The following TCERG1L variants were observed in gnomAD, a reference collection of about 807,000 sequenced individuals.
The protein encoded by TCERG1L is transcription elongation regulator 1-like protein.
A neutral mutation model predicts 56.3 loss-of-function variants in TCERG1L; 37 were observed. The observed-to-expected ratio is 0.66, with a 90% CI of 0.51 to 0.87. The LOEUF (loss-of-function observed/expected upper bound fraction) is 0.87. TCERG1L is among the 40% of genes least tolerant of loss of function. TCERG1L has a pLI of 0.00. For missense variants in TCERG1L, 799 were observed against 774.2 expected (o/e 1.03, Z -0.38); for synonymous variants, 324 against 326.3 (o/e 0.99, Z 0.08).
chr10:131,260,313 G>T lies in TCERG1L; in HGVS notation c.802C>A (p.His268Asn). 1.4e-6 allele frequency: 2 copies of T among 1,449,820 alleles called. No homozygotes were observed. The highest frequency in any genetic ancestry group is 3.1e-5 in the South Asian group (2 of 63,724). The allele number at this position is 1,449,820 out of a possible 1,614,324, so 89.8% of individuals were successfully genotyped here. The change falls in exon 4 of 12, where the codon CAC becomes AAC. Residue 268 changes from histidine to asparagine, a missense_variant. Coordinates refer to ENST00000368642, the MANE Select transcript of TCERG1L (RefSeq NM_174937.4). The surrounding 1 kb of genome is among the most constrained non-coding windows in gnomAD (Gnocchi z 5.8). Reference protein sequence around the residue: ...GPSPSSVQPRHFLTLAPIKIP... With the variant: ...GPSPSSVQPRNFLTLAPIKIP... ...TTGATGGGTGCCAAGGTCAGGAAGT[G>T]GCGCGGCTGCACGCTGGAGGGGGAC...
intron 3 of TCERG1L, among the ~76,000 whole-genome samples, chr10:131,270,212 T>G (rs1258236653): frequency 6.6e-6 from 1 of 152,174 alleles, no homozygotes; most frequent in Non-Finnish European, 1.5e-5. Context: ...GAAGAGTGCC[T>G]TTGGGTAGGA....
chr10:131,290,430 G>A (rs530357039), intron 3 of TCERG1L, among the ~76,000 whole-genome samples: 6 of 152,176 alleles, frequency 3.9e-5, no homozygotes, highest in Admixed American at 2.0e-4. Context: ...CTGGGAATTC[G>A]AGACCAGCCT....
intron 4 of TCERG1L, among the ~76,000 whole-genome samples, chr10:131,185,267 A>C (rs1345028517): frequency 6.6e-6 from 1 of 152,242 alleles, no homozygotes; most frequent in Non-Finnish European, 1.5e-5. Context: ...TAAATGTCCC[A>C]AAACACAGAA....
chr10:131,186,397 A>C (rs2944460), intron 4 of TCERG1L, among the ~76,000 whole-genome samples: 92,218 of 152,044 alleles, frequency 0.61, 31,760 homozygotes, highest in South Asian at 0.85. Flanking sequence ...AAAGGTAATA[A>C]AAATAGACAT....
At chr10:131,270,978 C>A (rs1028949075) in intron 3 of TCERG1L, among the ~76,000 whole-genome samples, 20 of 152,176 alleles carry the variant, frequency 1.3e-4, no homozygotes, top group Admixed American at 1.3e-4. Flanking sequence ...CAGAGACTCT[C>A]CTGGGCCTCA....
At chr10:131,128,035 T>C (rs1845580299) in intron 8 of TCERG1L, among the ~76,000 whole-genome samples, 1 of 152,130 alleles carries the variant, frequency 6.6e-6, no homozygotes, top group South Asian at 2.1e-4. Flanking sequence ...AAATAGATGT[T>C]ATAAAATATC....
At chr10:131,160,439 C>CGTGG (rs1845965063) in intron 6 of TCERG1L, among the ~76,000 whole-genome samples, 1 of 151,702 alleles carries the variant, frequency 6.6e-6, no homozygotes, top group African/African-American at 2.4e-5. Flanking sequence ...ACCTGAAGCC[C>CGTGG]CTGGCCCTAC....
chr10:131,164,343 A>G (rs568872173), intron 5 of TCERG1L, among the ~76,000 whole-genome samples: 3 of 152,260 alleles, frequency 2.0e-5, no homozygotes, highest in African/African-American at 7.2e-5. Context: ...AGAGGCCCAC[A>G]ATTCAGATGA....
intron 3 of TCERG1L, among the ~76,000 whole-genome samples, chr10:131,278,587 C>T (rs75945755): frequency 6.6e-6 from 1 of 152,246 alleles, no homozygotes; most frequent in African/African-American, 2.4e-5. Flanking sequence ...AGGTGATCCA[C>T]CCGCCTCGGC....
chr10:131,296,792 C>G (rs1846695489), intron 3 of TCERG1L, among the ~76,000 whole-genome samples: 4 of 152,208 alleles, frequency 2.6e-5, no homozygotes, highest in Admixed American at 2.6e-4. Flanking sequence ...ATTAATGTTT[C>G]ATGATTTTCA....
Position 131,141,418 on chromosome 10 carries a change from G to A in TCERG1L, c.1189+5088C>T, listed in dbSNP as rs1035916539. The stretch of plus-strand genomic sequence containing the variant: ...AGGGAGAAGCCCCTGGCTGCTGCGC[G>A]GGGTCACCCCACTCCACCCATCCAT... On this transcript the variant is annotated intron_variant, in intron 7 of 11. Transcript: ENST00000368642. Among the ~76,000 whole-genome samples, 70 of 151,436 alleles carry A rather than the reference G, an allele frequency of 4.6e-4. 1 individual carries two copies. Among genetic ancestry groups the A allele is most frequent in the East Asian group, 1.6e-3 (8 of 5,064 alleles).
chr10:131,116,769 G>A (rs1845463115), intron 9 of TCERG1L, 30 bp downstream of exon 9: 1 of 1,546,372 alleles, frequency 6.5e-7, no homozygotes, highest in African/African-American at 1.4e-5. Flanking sequence ...TCTGCCGTAG[G>A]AGTGCAGCCC....
intron 4 of TCERG1L, among the ~76,000 whole-genome samples, chr10:131,250,014 G>A (rs563680002): frequency 6.6e-6 from 1 of 152,336 alleles, no homozygotes; most frequent in South Asian, 2.1e-4. Context: ...GTTCGGGGCA[G>A]CCAGGGACAC....
chr10:131,311,234 G>GGC lies in TCERG1L; in HGVS notation c.342+58_342+59dup. On this transcript the variant is annotated intron_variant, in intron 1 of 11. Coordinates refer to ENST00000368642, the MANE Select transcript of TCERG1L (RefSeq NM_174937.4). The surrounding 1 kb of genome is among the most constrained non-coding windows in gnomAD (Gnocchi z 4.0). ...CGGAGGCCAGAGCCGGGCCGGGCAG[G>GGC]GCGCGCCCAGGAGCAGGGGAGACGG... is the stretch of plus-strand genomic sequence containing the variant. The GGC allele has an allele frequency of 8.5e-7, 1 of 1,175,190 alleles. No homozygotes were observed. Among genetic ancestry groups the GGC allele is most frequent in the East Asian group, 3.6e-5 (1 of 27,768 alleles). The allele number at this position is 1,175,190 out of a possible 1,614,324, so 72.8% of individuals were successfully genotyped here.
At chr10:131,206,350 C>T (rs1029316667) in intron 4 of TCERG1L, among the ~76,000 whole-genome samples, 4 of 152,100 alleles carry the variant, frequency 2.6e-5, no homozygotes, top group Non-Finnish European at 5.9e-5. Flanking sequence ...GAGTGAAGAC[C>T]GGTGTGGGAG....
rs1377060670 is a variant in TCERG1L at position 131,308,264 on chromosome 10, G to A, written c.617C>T (p.Ala206Val). ...CGTGGGGAGCGGCCTGGAGGCAGGA[G>A]CCGGCCTGGACAGAGACACAGCTAC... ...NQVAVSLSRP[A>V]PASRPLPTVV... The change falls in exon 3 of 12, where the codon GCT (alanine) becomes GTT (valine). Residue 206 changes from alanine to valine, a missense_variant. Coordinates refer to ENST00000368642, the MANE Select transcript of TCERG1L (RefSeq NM_174937.4). 6.2e-7 allele frequency: 1 copy of A among 1,613,982 alleles called. No homozygotes were observed. The highest frequency in any genetic ancestry group is 2.2e-5 in the East Asian group (1 of 44,886).
At chr10:131,156,238 C>T (rs577890111) in intron 6 of TCERG1L, 2 of 152,286 alleles carry the variant, frequency 1.3e-5, no homozygotes, top group Admixed American at 1.3e-4. Flanking sequence ...CCAACTTCAT[C>T]TCAGAACATG....
chr10:131,141,086 C>G (rs529577287), intron 7 of TCERG1L, among the ~76,000 whole-genome samples: 1 of 152,204 alleles, frequency 6.6e-6, no homozygotes, highest in Non-Finnish European at 1.5e-5. Context: ...GGACCTGACA[C>G]GGCCACTTTG....
chr10:131,141,360 C>A lies in TCERG1L; in HGVS notation c.1189+5146G>T, dbSNP rs549297374. On this transcript the variant is annotated intron_variant, in intron 7 of 11. Coordinates refer to ENST00000368642, the MANE Select transcript of TCERG1L (RefSeq NM_174937.4). ...ACACACCCTTTACCTCCCCTCCCTG[C>A]CTCCTGGGGTCCAGTGTGAGTGACC... 2.6e-5 allele frequency among the ~76,000 whole-genome samples: 4 copies of A among 152,220 alleles called. No homozygotes were observed. The South Asian group carries it at 8.3e-4, about 32-fold the overall frequency.
Sources: allele counts gnomAD v4.1 joint callset (sites outside exome capture counted in the v4.1 genomes callset), GRCh38; gene constraint gnomAD v4.1.1; non-coding constraint Gnocchi (gnomAD v3.1); transcripts MANE v1.5; gene names NCBI Gene and HGNC (gene_info 2026-07-23, HGNC 2026-07-21).